The following NADSYN1 variants were observed in gnomAD, a reference collection of about 807,000 sequenced individuals.
NADSYN1 encodes glutamine-dependent NAD(+) synthetase.
NADSYN1 carries 80 observed loss-of-function variants against 99.3 expected under a neutral mutation model. That is an observed-to-expected ratio of 0.81 (90% CI 0.67 to 0.97). The LOEUF is 0.97. Ranked by LOEUF, NADSYN1 falls within the 50% of genes least tolerant of loss-of-function variation. The probability of loss-of-function intolerance (pLI) is 0.00; values close to 1 mark genes in which losing one functional copy is unlikely to be tolerated. For synonymous variants in NADSYN1, 385 were observed against 372.1 expected (o/e 1.03, Z -0.40); for missense variants, 859 against 948.5 (o/e 0.91, Z 1.24).
intron 19 of NADSYN1, among the ~76,000 whole-genome samples, chr11:71,498,127 T>C (rs2298772): frequency 0.88 from 133,596 of 151,766 alleles, 59,384 homozygotes; most frequent in Non-Finnish European, 0.95. Context: ...GCATCAGAGG[T>C]GGGGGACCCC....
intron 14 of NADSYN1, among the ~76,000 whole-genome samples, chr11:71,483,962 GATTCCATTTCC>G (rs1452731631): frequency 1.3e-5 from 2 of 152,218 alleles, no homozygotes; most frequent in Non-Finnish European, 2.9e-5. Flanking sequence ...CATGGTGTTT[GATTCCATTTCC>G]ATTCCATTTC....
chr11:71,494,562 C>G (rs1378779924), intron 18 of NADSYN1, among the ~76,000 whole-genome samples: 2 of 93,324 alleles, frequency 2.1e-5, no homozygotes, highest in African/African-American at 3.3e-5. Flanking sequence ...TGTTTTGTTT[C>G]TGAGATGGAG....
rs757458354 is a variant in NADSYN1 at position 71,472,505 on chromosome 11, G to C, written c.459+5G>C. 8.1e-6 allele frequency: 13 copies of C among 1,612,678 alleles called. No homozygotes were observed. The Admixed American group carries it at 1.5e-4, about 19-fold the overall frequency. On this transcript the variant is annotated splice_donor_5th_base_variant and intron_variant, in intron 6 of 20. Transcript: ENST00000319023. ...ATACAGGACCTGACAAAGCAGGTGA[G>C]TCCCTGGGTGTGGAGCCCGTTTTTC...
intron 5 of NADSYN1, among the ~76,000 whole-genome samples, chr11:71,470,104 A>G (rs1474997254): frequency 6.6e-6 from 1 of 152,102 alleles, no homozygotes; most frequent in Non-Finnish European, 1.5e-5. Flanking sequence ...AGCGGCAGAC[A>G]AGAGAGAATG....
rs922778160 is a variant in NADSYN1 at position 71,476,312 on chromosome 11, G to A, written c.798+1786G>A. Reference sequence around the variant, plus strand: ...GGCGGTAGCACCGGAGGCGAGTTCTGCAGCTGGCTTTGCAGGAGCAGGGCG... The same window carrying A: ...GGCGGTAGCACCGGAGGCGAGTTCTACAGCTGGCTTTGCAGGAGCAGGGCG... On this transcript the variant is annotated intron_variant, in intron 9 of 20. Transcript: ENST00000319023. The A allele has an allele frequency of 1.1e-5, 4 of 356,584 alleles. No individual in the cohort carries two copies. In the Admixed American group the frequency reaches 1.5e-4, roughly 13 times the overall value. 22.1% of individuals were successfully genotyped at this position (356,584 alleles called of 1,614,324 possible).
chr11:71,482,539 C>A (rs924089307), intron 13 of NADSYN1, among the ~76,000 whole-genome samples: 4 of 144,674 alleles, frequency 2.8e-5, no homozygotes, highest in African/African-American at 1.0e-4. Context: ...GGTGGAGCCG[C>A]ATGGGCGCCT....
intron 19 of NADSYN1, among the ~76,000 whole-genome samples, chr11:71,498,132 G>T (rs1422101907): frequency 6.6e-6 from 1 of 152,114 alleles, no homozygotes; most frequent in Non-Finnish European, 1.5e-5. Flanking sequence ...AGAGGTGGGG[G>T]ACCCCGGTTT....
chr11:71,497,398 C>G, intron 18 of NADSYN1, 85 bp from the exon 19 acceptor site: 1 of 1,578,474 alleles, frequency 6.3e-7, no homozygotes, highest in Non-Finnish European at 8.7e-7. Flanking sequence ...TCCTTGGTCT[C>G]TGGTTCCCAT....
At position 71,481,962 on chromosome 11, in the gene NADSYN1, G is replaced by A. The variant is rs1224501462; in HGVS notation, c.1087G>A (p.Ala363Thr). 5.6e-6 allele frequency: 9 copies of A among 1,606,636 alleles called. No individual in the cohort carries two copies. Among genetic ancestry groups the A allele is most frequent in the South Asian group, 3.3e-5 (3 of 90,322 alleles). Residue 363 changes from alanine (A) to threonine (T), a missense_variant, in exon 13 of 21, where the codon GCA (alanine) becomes ACA (threonine). Physicochemically the swap from Ala to Thr is moderately conservative, Grantham distance 58. Transcript: ENST00000319023. ...LLPLSGGVDS[A>T]ATACLIYSMC... ...GCCCTTGAGTGGCGGGGTGGACAGC[G>A]CAGCCACCGCCTGCCTCATCTACTC...
intron 3 of NADSYN1, among the ~76,000 whole-genome samples, chr11:71,462,152 G>T (rs553608864): frequency 6.6e-6 from 1 of 152,310 alleles, no homozygotes; most frequent in South Asian, 2.1e-4. Flanking sequence ...GACTGGGAGT[G>T]GGGGGTGATC....
intron 3 of NADSYN1, among the ~76,000 whole-genome samples, chr11:71,462,738 T>G (rs190303653): frequency 3.9e-5 from 6 of 152,342 alleles, no homozygotes; most frequent in East Asian, 1.9e-4. Context: ...GAAACACTTT[T>G]GCTGTCGGGT....
At chr11:71,481,857 T>G (rs1949710107) in intron 12 of NADSYN1, 66 bp from the exon 13 acceptor site, 2 of 1,445,942 alleles carry the variant, frequency 1.4e-6, no homozygotes, top group African/African-American at 1.4e-5. Flanking sequence ...GGGTGGAGCT[T>G]GGCTGATCCA....
At chr11:71,456,453 C>A (rs1209197600) in intron 2 of NADSYN1, among the ~76,000 whole-genome samples, 1 of 152,196 alleles carries the variant, frequency 6.6e-6, no homozygotes, top group Non-Finnish European at 1.5e-5. Flanking sequence ...GGACTCAAGG[C>A]CTGATCGTCT....
chr11:71,487,567 C>T (rs1427479092), intron 16 of NADSYN1, among the ~76,000 whole-genome samples: 1 of 152,074 alleles, frequency 6.6e-6, no homozygotes, highest in African/African-American at 2.4e-5. Context: ...CACAGTGGCT[C>T]ACGTCTGTAA....
rs182956982 is a variant in NADSYN1, at chr11:71,491,846, G to A, written c.1707G>A (p.Ala569=). The change falls in exon 18 of 21, where the codon GCG becomes GCA. Residue 569 remains alanine (A), a synonymous_variant. Coordinates refer to ENST00000319023, the MANE Select transcript of NADSYN1 (RefSeq NM_018161.5). ...QLPALQSILL[A]PATAELEPLA... is the part of the protein sequence containing the mutation. ...GTTTTGGCTGCAGCATCCTGTTGGC[G>A]CCGGCCACCGCAGAGCTGGAGCCCT... 56 of 1,613,942 alleles carry A rather than the reference G, an allele frequency of 3.5e-5. No individual in the cohort carries two copies. In the East Asian group the frequency reaches 7.8e-4, roughly 22 times the overall value.
intron 14 of NADSYN1, among the ~76,000 whole-genome samples, chr11:71,483,656 T>C (rs1180221726): frequency 2.0e-5 from 3 of 152,212 alleles, no homozygotes; most frequent in African/African-American, 7.2e-5. Flanking sequence ...AGCTAAAAGC[T>C]GTCCCCATGC....
intron 2 of NADSYN1, 141 bp from the exon 3 acceptor site, chr11:71,458,287 C>T: frequency 1.5e-6 from 1 of 676,780 alleles, no homozygotes; most frequent in South Asian, 1.7e-5. Flanking sequence ...GCTGGCTGCT[C>T]ATTGGAATCA....
In NADSYN1 at chr11:71,501,459, A is replaced by T; in HGVS notation, c.*107A>T. Reference sequence around the variant, plus strand: ...CCCTACACTAGGAGCCCAGGATGGGACGGCGCATCAGCCGAGAGGGAGGGA... The same window carrying T: ...CCCTACACTAGGAGCCCAGGATGGGTCGGCGCATCAGCCGAGAGGGAGGGA... On this transcript the variant is annotated 3_prime_UTR_variant, in exon 21 of 21. Transcript: ENST00000319023. 9.4e-7 allele frequency: 1 copy of T among 1,069,374 alleles called. No homozygotes were observed. Among genetic ancestry groups the T allele is most frequent in the South Asian group, 1.4e-5 (1 of 70,034 alleles). 66.2% of individuals were successfully genotyped at this position (1,069,374 alleles called of 1,614,324 possible).
At chr11:71,461,401 G>A (rs1268943606) in intron 3 of NADSYN1, among the ~76,000 whole-genome samples, 4 of 152,068 alleles carry the variant, frequency 2.6e-5, no homozygotes. Context: ...AGAGAGAGGG[G>A]CGAGGTGCTA....
Sources: gnomAD v4.1 joint callset for allele counts (sites outside exome capture counted in the v4.1 genomes callset) on GRCh38, gnomAD v4.1.1 for gene constraint, MANE v1.5 for transcripts, NCBI Gene and HGNC (gene_info 2026-07-23, HGNC 2026-07-21) for gene names.